The following PDLIM2 variants were observed in gnomAD, a reference collection of about 807,000 sequenced individuals.
PDLIM2 encodes PDZ and LIM domain 2.
In PDLIM2, 51 loss-of-function variants were observed where a neutral mutation model predicts 54.1. That is an observed-to-expected ratio of 0.94 (90% CI 0.75 to 1.19). PDLIM2 has a LOEUF of 1.19. PDLIM2 is among the 50% of genes most tolerant of loss of function. The pLI is 0.00. For synonymous variants in PDLIM2, 398 were observed against 385.6 expected (o/e 1.03, Z -0.38); for missense variants, 912 against 874.0 (o/e 1.04, Z -0.55).
intron 3 of PDLIM2, among the ~76,000 whole-genome samples, chr8:22,581,933 A>G (rs1055566626): frequency 6.6e-6 from 1 of 152,240 alleles, no homozygotes; most frequent in African/African-American, 2.4e-5. Flanking sequence ...CCAACAGGGC[A>G]TGGCCTTTGT....
intron 6 of PDLIM2, among the ~76,000 whole-genome samples, chr8:22,586,733 C>T (rs1246122075): frequency 6.6e-6 from 1 of 152,158 alleles, no homozygotes; most frequent in Non-Finnish European, 1.5e-5. Flanking sequence ...CCCACGTGCT[C>T]AAGGGCAAGC....
At chr8:22,593,469 C>T (rs1367362634) in intron 9 of PDLIM2, 8 of 428,814 alleles carry the variant, frequency 1.9e-5, no homozygotes, top group East Asian at 1.6e-4. Flanking sequence ...CCCAGCTACT[C>T]AGGAGGCTGG....
At chr8:22,584,796 T>C in intron 3 of PDLIM2, 25 bp from the exon 3 acceptor site, 1 of 1,612,326 alleles carries the variant, frequency 6.2e-7, no homozygotes, top group Non-Finnish European at 8.5e-7. Context: ...CCCTGTGACA[T>C]TCCCTCCCTC....
At chr8:22,580,790 G>C in intron 2 of PDLIM2, 93 bp downstream of exon 1, 2 of 1,358,898 alleles carry the variant, frequency 1.5e-6, no homozygotes, top group Non-Finnish European at 2.1e-6. Context: ...TGCTTTTTCT[G>C]TTCTGGAGCT....
At chr8:22,591,622 A>G in exon 9 of PDLIM2, 2 of 1,612,892 alleles carry the variant, frequency 1.2e-6, no homozygotes, top group South Asian at 1.1e-5. Flanking sequence ...GGCCCTGGCC[A>G]CCCCTCCCAA....
chr8:22,594,285 A>G (rs1563880064), exon 10 of PDLIM2: 5 of 1,398,998 alleles, frequency 3.6e-6, no homozygotes, highest in Non-Finnish European at 4.6e-6. Flanking sequence ...ATATATGAAT[A>G]TGGACAAAAT....
chr8:22,583,177 C>T (rs964198562), intron 3 of PDLIM2, among the ~76,000 whole-genome samples: 3 of 152,146 alleles, frequency 2.0e-5, no homozygotes, highest in Admixed American at 6.5e-5. Context: ...AGGGCTCCAG[C>T]TGGGTTCCAC....
chr8:22,579,463 C>A, exon 1 of PDLIM2: 1 of 1,517,092 alleles, frequency 6.6e-7, no homozygotes, highest in Non-Finnish European at 8.8e-7. Flanking sequence ...CTGGTAGAGC[C>A]GGGCCATCGG....
At chr8:22,584,786 C>G in intron 3 of PDLIM2, 35 bp from the exon 3 acceptor site, 1 of 1,605,312 alleles carries the variant, frequency 6.2e-7, no homozygotes, top group Non-Finnish European at 8.5e-7. Flanking sequence ...GGTGCAGGGC[C>G]CCTGTGACAT....
At chr8:22,591,212 G>T (rs989992169) in intron 8 of PDLIM2, 8 of 322,460 alleles carry the variant, frequency 2.5e-5, no homozygotes, top group African/African-American at 1.5e-4. Context: ...CCACACCGAG[G>T]CATTGCGCTC....
exon 3 of PDLIM2, chr8:22,581,387 G>T: frequency 6.2e-7 from 1 of 1,602,502 alleles, no homozygotes; most frequent in Non-Finnish European, 8.5e-7. Context: ...AGGTGGCCGA[G>T]CGGGGCAAAG....
intron 1 of PDLIM2, chr8:22,579,669 C>G: frequency 9.6e-7 from 1 of 1,039,880 alleles, no homozygotes; most frequent in Non-Finnish European, 1.3e-6. Context: ...GATAGATTCT[C>G]GCAGCACTTG....
rs1351424179 is a variant in PDLIM2, at chr8:22,578,784, G to A, written c.5G>A (p.Arg2Gln). ...CACCCTGCCCAGGACCTGGGGATGC[G>A]GGGCGGGAGAGCGCGGCCGGCGTGG... The change falls in exon 1 of 10, where the codon CGG becomes CAG. Residue 2 changes from arginine (R) to glutamine (Q), a missense_variant. Coordinates refer to ENST00000308354, the Ensembl canonical transcript of PDLIM2. The A allele has an allele frequency of 2.4e-6, 3 of 1,234,108 alleles. No individual in the cohort carries two copies. The highest frequency in any genetic ancestry group is 3.0e-6 in the Non-Finnish European group (3 of 988,404). 76.4% of individuals were successfully genotyped at this position (1,234,108 alleles called of 1,614,324 possible).
At chr8:22,581,146 A>C (rs1800188923) in intron 2 of PDLIM2, 1 of 665,536 alleles carries the variant, frequency 1.5e-6, no homozygotes, top group Non-Finnish European at 2.8e-6. Flanking sequence ...AAATTCTGCC[A>C]CTGCACATTC....
At chr8:22,594,790 C>A, downstream of PDLIM2, 1 of 1,314,538 alleles carries the variant, frequency 7.6e-7, no homozygotes, top group Non-Finnish European at 1.0e-6. Flanking sequence ...GGAAAAAGGG[C>A]AGGGTGGCTC....
At chr8:22,581,907 C>T (rs1306743082) in intron 3 of PDLIM2, among the ~76,000 whole-genome samples, 1 of 152,234 alleles carries the variant, frequency 6.6e-6, no homozygotes, top group Non-Finnish European at 1.5e-5. Flanking sequence ...AGGCTGCATC[C>T]CCAGGACTCC....
chr8:22,580,979 T>C (rs947198887), intron 2 of PDLIM2: 3 of 660,998 alleles, frequency 4.5e-6, no homozygotes, highest in Middle Eastern at 4.8e-4. Context: ...TTTGGGGTGA[T>C]TACTAGAACA....
intron 2 of PDLIM2, 70 bp downstream of exon 1, chr8:22,580,767 T>G: frequency 6.8e-7 from 1 of 1,477,716 alleles, no homozygotes; most frequent in Non-Finnish European, 9.4e-7. Context: ...CACCCCACTC[T>G]GCACAGATGG....
rs549235347 is a variant in PDLIM2, at chr8:22,579,170, G to A, written c.391G>A (p.Ala131Thr). The change falls in exon 1 of 10, where the codon GCC (alanine) becomes ACC (threonine). Residue 131 changes from alanine (A) to threonine (T), a missense_variant. Coordinates refer to ENST00000308354, the Ensembl canonical transcript of PDLIM2. ...GCAGCGGGAGCGGTGGCGTCTCCCC[G>A]CCTTCCCTCCCTCCCGGGCCTGGGC... 2.2e-4 allele frequency: 294 copies of A among 1,356,412 alleles called. 2 individuals are homozygous for A. The African/African-American group carries it at 3.9e-3, about 18-fold the overall frequency. The allele number at this position is 1,356,412 out of a possible 1,614,324, so 84.0% of individuals were successfully genotyped here.
Sources: allele counts gnomAD v4.1 joint callset (sites outside exome capture counted in the v4.1 genomes callset), GRCh38; gene constraint gnomAD v4.1.1; transcripts MANE v1.5; gene names NCBI Gene and HGNC (gene_info 2026-07-23, HGNC 2026-07-21).